The following CCT2 variants were observed in gnomAD, a reference collection of about 807,000 sequenced individuals.
CCT2 encodes the protein T-complex protein 1 subunit beta.
A neutral mutation model predicts 61.8 loss-of-function variants in CCT2; 18 were observed. That is an observed-to-expected ratio of 0.29 (90% confidence interval 0.20 to 0.43). The LOEUF (loss-of-function observed/expected upper bound fraction) is 0.43. Ranked by LOEUF, CCT2 falls within the 20% of genes least tolerant of loss-of-function variation. The pLI, the probability that CCT2 is intolerant of heterozygous loss-of-function variation, is 1.00. For synonymous variants in CCT2, 248 were observed against 215.9 expected, an observed-to-expected ratio of 1.15 and a Z score of -1.30; for missense variants, 556 against 656.9, an observed-to-expected ratio of 0.85 and a Z score of 1.68.
At chr12:69,598,278 C>T in intron 13 of CCT2, 44 bp from the exon 14 acceptor site, 1 of 1,360,960 alleles carries the variant, frequency 7.3e-7, no homozygotes, top group Non-Finnish European at 1.0e-6. Context: ...ATCAGTGGTT[C>T]TTACAGTAGA....
chr12:69,586,887 G>A (rs1881680900), intron 3 of CCT2, 69 bp downstream of exon 3: 1 of 938,824 alleles, frequency 1.1e-6, no homozygotes, highest in Admixed American at 2.4e-5. Context: ...ATAATAACAA[G>A]CGTATTAAAA....
intron 1 of CCT2, 178 bp from the exon 2 acceptor site, chr12:69,586,092 A>G (rs1881644340): frequency 8.1e-7 from 1 of 1,237,152 alleles, no homozygotes; most frequent in African/African-American, 1.5e-5. Context: ...GCTCTCCTAC[A>G]AGTCCCTCTC....
intron 1 of CCT2, 124 bp downstream of exon 1, chr12:69,585,648 G>A (rs1041071226): frequency 1.1e-5 from 17 of 1,537,954 alleles, no homozygotes; most frequent in Non-Finnish European, 1.5e-5. Flanking sequence ...TCCGCACATG[G>A]TGCGAGCCAT....
In CCT2 at chr12:69,588,114, C is replaced by A. The variant is rs552975145; in HGVS notation, c.334-36C>A. 7 of 1,567,706 alleles carry A rather than the reference C, an allele frequency of 4.5e-6. No individual in the cohort carries two copies. The South Asian group carries it at 7.9e-5, about 18-fold the overall frequency. The stretch of plus-strand genomic sequence containing the variant: ...CTATTGAGGAGTGCTTAATAATTTT[C>A]TATTTATAACTTTTGTTTTATAACT... On this transcript the variant is annotated intron_variant, in intron 5 of 15. Transcript: ENST00000299300.
At chr12:69,598,463 ACT>A (rs2135860102) in intron 14 of CCT2, 42 bp downstream of exon 14, 2 of 1,205,710 alleles carry the variant, frequency 1.7e-6, no homozygotes, top group East Asian at 2.4e-5. Context: ...GTTAAAAGTA[ACT>A]CTTTTCACTA....
Position 69,597,283 on chromosome 12 carries a change from A to G in CCT2, c.1102+8A>G, listed in dbSNP as rs2135858887. On this transcript the variant is annotated splice_region_variant and intron_variant, in intron 11 of 15. Transcript: ENST00000299300. The stretch of plus-strand genomic sequence containing the variant: ...TTTCTGGGGTTGCCCTTGGTGAGTG[A>G]TTATGTAGATCCTGGTTAGGGTGTC... 6.2e-7 allele frequency: 1 copy of G among 1,613,674 alleles called. No individual in the cohort carries two copies. The highest frequency in any genetic ancestry group is 8.5e-7 in the Non-Finnish European group (1 of 1,179,744).
intron 8 of CCT2, chr12:69,592,678 T>C: frequency 3.8e-6 from 1 of 264,302 alleles, no homozygotes; most frequent in Non-Finnish European, 7.3e-6. Context: ...GTAATCCCAG[T>C]ACTTTGGGAG....
At chr12:69,593,251 A>G (rs1881889650) in intron 9 of CCT2, 148 bp downstream of exon 9, 6 of 734,192 alleles carry the variant, frequency 8.2e-6, no homozygotes, top group Admixed American at 3.0e-5. Context: ...GTAAATTGTG[A>G]TTTATGCACA....
chr12:69,590,209 A>G (rs1030562221), intron 7 of CCT2, among the ~76,000 whole-genome samples: 1 of 152,208 alleles, frequency 6.6e-6, no homozygotes, highest in African/African-American at 2.4e-5. Context: ...TTTGAAACCC[A>G]TGTATATAGT....
At chr12:69,597,434 T>C (rs1882023338) in intron 11 of CCT2, among the ~76,000 whole-genome samples, 159 bp downstream of exon 11, 1 of 152,224 alleles carries the variant, frequency 6.6e-6, no homozygotes, top group African/African-American at 2.4e-5. Flanking sequence ...CAACCTCATA[T>C]TTACCGTGTC....
At chr12:69,601,193 A>G in intron 15 of CCT2, 102 bp from the exon 16 acceptor site, 1 of 936,584 alleles carries the variant, frequency 1.1e-6, no homozygotes. Context: ...GAGTTATAAC[A>G]GTTTTAATAC....
intron 12 of CCT2, 58 bp downstream of exon 12, chr12:69,597,824 A>G (rs1424274583): frequency 2.6e-6 from 4 of 1,517,620 alleles, no homozygotes; most frequent in Admixed American, 1.8e-5. Context: ...AATATAAGTC[A>G]TAAGTGGTTT....
chr12:69,595,580 C>T (rs944899976), intron 10 of CCT2, among the ~76,000 whole-genome samples: 1 of 147,884 alleles, frequency 6.8e-6, no homozygotes, highest in Non-Finnish European at 1.5e-5. Flanking sequence ...CGCAGCTACT[C>T]GGGAGGCTGA....
intron 1 of CCT2, chr12:69,585,925 C>G: frequency 7.9e-7 from 1 of 1,263,326 alleles, no homozygotes; most frequent in South Asian, 2.0e-5. Flanking sequence ...GGCCGCGTTC[C>G]CTCGCCCGCC....
At chr12:69,594,031 G>C (rs1000470965) in intron 10 of CCT2, among the ~76,000 whole-genome samples, 2 of 152,014 alleles carry the variant, frequency 1.3e-5, no homozygotes, top group African/African-American at 4.8e-5. Context: ...AGCCACTTGG[G>C]GGGAGGCTGA....
intron 3 of CCT2, chr12:69,587,074 TTATG>T (rs1233049199): frequency 2.6e-6 from 1 of 388,400 alleles, no homozygotes; most frequent in East Asian, 4.3e-5. Flanking sequence ...GTGTACTTCA[TTATG>T]TATTTTATAC....
At chr12:69,589,344 G>T in intron 6 of CCT2, 141 bp from the exon 7 acceptor site, 2 of 619,466 alleles carry the variant, frequency 3.2e-6, no homozygotes, top group Non-Finnish European at 2.8e-6. Flanking sequence ...TGTGTTTCTT[G>T]ATTACTGCTG....
At chr12:69,594,635 T>C (rs1881934578) in intron 10 of CCT2, among the ~76,000 whole-genome samples, 1 of 152,174 alleles carries the variant, frequency 6.6e-6, no homozygotes, top group Non-Finnish European at 1.5e-5. Flanking sequence ...GGCAGGAAGA[T>C]TGCTTGAAGC....
At chr12:69,586,884 C>A in intron 3 of CCT2, 66 bp downstream of exon 3, 1 of 942,824 alleles carries the variant, frequency 1.1e-6, no homozygotes, top group South Asian at 1.6e-5. Flanking sequence ...AATATAATAA[C>A]AAGCGTATTA....
Sources: gnomAD v4.1 joint callset for allele counts (sites outside exome capture counted in the v4.1 genomes callset) on GRCh38, gnomAD v4.1.1 for gene constraint, MANE v1.5 for transcripts, NCBI Gene and HGNC (gene_info 2026-07-23, HGNC 2026-07-21) for gene names.